The following TPGS1 variants were observed in gnomAD, a reference collection of about 807,000 sequenced individuals.
TPGS1 encodes tubulin polyglutamylase complex subunit 1, also known as gene trap ROSA b-geo 22.
TPGS1 carries 18 observed loss-of-function variants against 11.9 expected under a neutral mutation model. That is an observed-to-expected ratio of 1.51 (90% CI 1.04 to 2.24). TPGS1 has a LOEUF of 2.24. Among genes scored for constraint, TPGS1 ranks in the 30% most tolerant of loss-of-function variants. TPGS1 has a pLI of 0.00. For synonymous variants in TPGS1, 247 were observed against 218.2 expected (o/e 1.13, Z -1.16); for missense variants, 500 against 443.0 (o/e 1.13, Z -1.16).
At chr19:507,913 C>A in intron 1 of TPGS1, 69 bp downstream of exon 1, 1 of 1,214,570 alleles carries the variant, frequency 8.2e-7, no homozygotes, top group Non-Finnish European at 1.0e-6. Flanking sequence ...CCGCGCGCGG[C>A]TCCCTACCCG....
At chr19:510,489 A>T (rs1978762367) in intron 1 of TPGS1, 1 of 152,024 alleles carries the variant, frequency 6.6e-6, no homozygotes, top group Admixed American at 6.6e-5. Flanking sequence ...TCACCGTGGT[A>T]GGCTGGGGGA....
chr19:515,437 G>A (rs1978922489), intron 1 of TPGS1, among the ~76,000 whole-genome samples: 1 of 151,776 alleles, frequency 6.6e-6, no homozygotes, highest in African/African-American at 2.4e-5. Flanking sequence ...AATGTCAGCT[G>A]TGTTAAATGT....
At position 507,537 on chromosome 19, in the gene TPGS1, G is replaced by A. The variant is rs746343201; in HGVS notation, c.31G>A (p.Val11Ile). 1.4e-6 allele frequency: 2 copies of A among 1,421,148 alleles called. No individual in the cohort carries two copies. Among genetic ancestry groups the A allele is most frequent in the African/African-American group, 1.5e-5 (1 of 67,230 alleles). The allele number at this position is 1,421,148 out of a possible 1,614,324, so 88.0% of individuals were successfully genotyped here. ...GGCAGTGGAGAAGCGGCGGCAAGCG[G>A]TACCACCGCCGGCCGGTTTCACGGA... is the stretch of plus-strand genomic sequence containing the variant. MAAVEKRRQA[V>I]PPPAGFTDSG... The change falls in exon 1 of 2, where the codon GTA (valine) becomes ATA (isoleucine). Residue 11 changes from valine (V) to isoleucine (I), a missense_variant. Val to Ile is a conservative substitution (Grantham distance 29). Coordinates refer to ENST00000359315, the MANE Select transcript of TPGS1 (RefSeq NM_033513.3).
At chr19:518,749 G>GGGGAGGCCGGA (rs916358474) in intron 1 of TPGS1, 140 bp from the exon 2 acceptor site, 4 of 908,164 alleles carry the variant, frequency 4.4e-6, no homozygotes, top group Non-Finnish European at 6.1e-6. Flanking sequence ...GGGAGGCCGG[G>GGGGAGGCCGGA]GATGGGGGGT....
At chr19:517,410 GT>G (rs1193895970) in intron 1 of TPGS1, among the ~76,000 whole-genome samples, 1 of 6,608 alleles carries the variant, frequency 1.5e-4, no homozygotes, top group East Asian at 1.6e-3. Flanking sequence ...GCCAGGCTGG[GT>G]GGGGGCTGGG....
At chr19:518,863 G>C in intron 1 of TPGS1, 26 bp from the exon 2 acceptor site, 6 of 1,485,710 alleles carry the variant, frequency 4.0e-6, no homozygotes, top group Non-Finnish European at 5.3e-6. Flanking sequence ...GGTCTCTGCC[G>C]GCCCCCAACG....
At chr19:510,347 TG>T (rs1978756314) in intron 1 of TPGS1, 2 of 150,550 alleles carry the variant, frequency 1.3e-5, no homozygotes, top group Non-Finnish European at 2.9e-5. Flanking sequence ...CACTCCAGCC[TG>T]GGCGACAGAG....
chr19:512,697 C>T (rs984543449), intron 1 of TPGS1, among the ~76,000 whole-genome samples: 7 of 152,278 alleles, frequency 4.6e-5, no homozygotes, highest in Non-Finnish European at 8.8e-5. Flanking sequence ...CGTCGCCAGC[C>T]TTCGAGATGC....
chr19:519,489 C>G lies in TPGS1; in HGVS notation c.*66C>G. ...TCCCCGCGTGCGGGGCGCGCGGAGC[C>G]TTCCCTTCGCCCTGGTGAGGCCCTG... On this transcript the variant is annotated 3_prime_UTR_variant, in exon 2 of 2. Transcript: ENST00000359315. 8.6e-7 allele frequency: 1 copy of G among 1,159,520 alleles called. No individual in the cohort carries two copies. Among genetic ancestry groups the G allele is most frequent in the Non-Finnish European group, 1.1e-6 (1 of 938,148 alleles). 71.8% of individuals were successfully genotyped at this position (1,159,520 alleles called of 1,614,324 possible). A position where few individuals can be genotyped will look rare whatever the true frequency, so the allele number is the denominator to read the frequency against.
rs1978659062 is a variant in TPGS1, at chr19:507,638, G to A, written c.132G>A (p.Val44=). 1.4e-6 allele frequency: 2 copies of A among 1,392,984 alleles called. No homozygotes were observed. Among genetic ancestry groups the A allele is most frequent in the South Asian group, 1.5e-5 (1 of 65,822 alleles). 86.3% of individuals were successfully genotyped at this position (1,392,984 alleles called of 1,614,324 possible). ...AGGACTTCCTGCGGCAGGTCGGCGT[G>A]ACGGAAATGCTACGTGCGGCCCTGC... The part of the protein sequence containing the change: ...SEEDFLRQVG[V]TEMLRAALLK... Residue 44 remains valine (V), a synonymous_variant, in exon 1 of 2, where the codon GTG becomes GTA. Transcript: ENST00000359315.
At chr19:518,695 G>A (rs1160152891) in intron 1 of TPGS1, among the ~76,000 whole-genome samples, 194 bp from the exon 2 acceptor site, 1 of 145,852 alleles carries the variant, frequency 6.9e-6, no homozygotes, top group Non-Finnish European at 1.5e-5. Context: ...GAAGGGAGGC[G>A]GGGGCTCAAG....
intron 1 of TPGS1, among the ~76,000 whole-genome samples, chr19:510,651 C>G (rs1418047139): frequency 6.6e-6 from 1 of 152,232 alleles, no homozygotes; most frequent in Non-Finnish European, 1.5e-5. Context: ...CGTTACATGA[C>G]TTGCTGAAGG....
intron 1 of TPGS1, among the ~76,000 whole-genome samples, chr19:512,681 C>T (rs970583536): frequency 3.3e-5 from 5 of 152,222 alleles, no homozygotes; most frequent in Admixed American, 2.0e-4. Flanking sequence ...CGCGGAGCAG[C>T]GCTGCCGTCG....
At position 519,569 on chromosome 19, in the gene TPGS1, G is replaced by A; in HGVS notation, c.*146G>A. ...AGGCCGGGGCTCCCAGGAAGCGGAC[G>A]CCCGGTCCCCACACAGCGCCGCGGC... On this transcript the variant is annotated 3_prime_UTR_variant, in exon 2 of 2. Coordinates refer to ENST00000359315, the MANE Select transcript of TPGS1 (RefSeq NM_033513.3). 4.1e-6 allele frequency: 3 copies of A among 739,354 alleles called. No individual in the cohort carries two copies. Among genetic ancestry groups the A allele is most frequent in the Non-Finnish European group, 5.4e-6 (3 of 558,834 alleles). 45.8% of individuals were successfully genotyped at this position (739,354 alleles called of 1,614,324 possible).
Position 519,255 on chromosome 19 carries a change from C to T in TPGS1, c.705C>T (p.Ala235=), listed in dbSNP as rs1206297194. 1.7e-5 allele frequency: 20 copies of T among 1,204,752 alleles called. No individual in the cohort carries two copies. Among genetic ancestry groups the T allele is most frequent in the Non-Finnish European group, 1.9e-5 (18 of 972,238 alleles). The allele number at this position is 1,204,752 out of a possible 1,614,324, so 74.6% of individuals were successfully genotyped here. ...GCGCGCTGCAGGCCAGCGACGCCGC[C>T]GCGCCCGCGCGCTTCCTGGAGGCCG... ...LEGALQASDA[A]APARFLEAGS... is the part of the protein sequence containing the mutation. The change falls in exon 2 of 2, where the codon GCC becomes GCT. Residue 235 remains alanine, a synonymous_variant. Coordinates refer to ENST00000359315, the MANE Select transcript of TPGS1 (RefSeq NM_033513.3).
At chr19:513,548 A>T (rs1978862052) in intron 1 of TPGS1, among the ~76,000 whole-genome samples, 1 of 151,858 alleles carries the variant, frequency 6.6e-6, no homozygotes, top group East Asian at 1.9e-4. Context: ...GCCCAGCATT[A>T]CTGAGCACCT....
In TPGS1 at chr19:519,573, G is replaced by C. The variant is rs902178081; in HGVS notation, c.*150G>C. On this transcript the variant is annotated 3_prime_UTR_variant, in exon 2 of 2. Coordinates refer to ENST00000359315, the MANE Select transcript of TPGS1 (RefSeq NM_033513.3). ...CGGGGCTCCCAGGAAGCGGACGCCC[G>C]GTCCCCACACAGCGCCGCGGCCGCC... 2.9e-6 allele frequency: 2 copies of C among 694,228 alleles called. No homozygotes were observed. The highest frequency in any genetic ancestry group is 9.6e-5 in the Admixed American group (2 of 20,746). The allele number at this position is 694,228 out of a possible 1,614,324, so 43.0% of individuals were successfully genotyped here.
At chr19:511,958 G>A (rs1447539494) in intron 1 of TPGS1, among the ~76,000 whole-genome samples, 6 of 152,012 alleles carry the variant, frequency 3.9e-5, no homozygotes, top group Non-Finnish European at 7.4e-5. Flanking sequence ...TACAAGTTCC[G>A]CCTCCTGGGT....
chr19:517,064 GGGCACCAGGGCTATAACC>G (rs939068781), intron 1 of TPGS1, among the ~76,000 whole-genome samples: 6 of 152,042 alleles, frequency 3.9e-5, no homozygotes, highest in Non-Finnish European at 8.8e-5. Flanking sequence ...GCAGTGTTCT[GGGCACCAGGGCTATAACC>G]AAGACGAACT....
Sources: allele counts gnomAD v4.1 joint callset (sites outside exome capture counted in the v4.1 genomes callset), GRCh38; gene constraint gnomAD v4.1.1; transcripts MANE v1.5; gene names NCBI Gene and HGNC (gene_info 2026-07-23, HGNC 2026-07-21).